Variants in CA1 observed in about 807,000 individuals in gnomAD.
CA1 encodes carbonate dehydratase I.
A neutral mutation model predicts 28.8 loss-of-function variants in CA1; 27 were observed. That is an observed-to-expected ratio of 0.94 (90% confidence interval 0.69 to 1.29). CA1 has a LOEUF of 1.29. Among genes scored for constraint, CA1 ranks in the 50% most tolerant of loss-of-function variants. CA1 has a pLI of 0.00. For synonymous variants in CA1, 121 were observed against 108.8 expected (o/e 1.11, Z -0.70); for missense variants, 335 against 310.5 (o/e 1.08, Z -0.59).
Position 85,338,289 on chromosome 8 carries a change from G to A in CA1, c.198C>T (p.Ser66=), listed in dbSNP as rs77342877. ...CGTTGTCCTCAAAATTTACATGGAA[G>A]GAATGCCCCACATTGATAATTTCTT... is the stretch of plus-strand genomic sequence containing the variant. ...TAKEIINVGH[S]FHVNFEDNDN... is the part of the protein sequence containing the mutation. The change falls in exon 3 of 8, where the codon TCC becomes TCT. Residue 66 remains serine, a synonymous_variant. Transcript: ENST00000523022. 4,883 of 1,613,984 alleles carry A rather than the reference G, an allele frequency of 3.0e-3. 106 individuals carry two copies. The African/African-American group carries it at 0.049, about 16-fold the overall frequency.
At chr8:85,333,735 T>A in intron 4 of CA1, 115 bp from the exon 5 acceptor site, 1 of 690,464 alleles carries the variant, frequency 1.4e-6, no homozygotes, top group East Asian at 2.9e-5. Context: ...ACATAAAACT[T>A]ATGTGAACCT....
chr8:85,353,156 A>G (rs145152449), intron 1 of CA1, among the ~76,000 whole-genome samples: 667 of 152,336 alleles, frequency 4.4e-3, no homozygotes, highest in Middle Eastern at 0.02. Context: ...AAGCAAGAAG[A>G]ACATGAGCCA....
chr8:85,365,334 G>A (rs67723787), intron 1 of CA1, among the ~76,000 whole-genome samples: 6,675 of 152,256 alleles, frequency 0.044, 185 homozygotes, highest in African/African-American at 0.068. Flanking sequence ...AGGTAGCTCC[G>A]TCTCTACCAT....
intron 2 of CA1, among the ~76,000 whole-genome samples, chr8:85,339,548 G>T (rs557749598): frequency 6.6e-6 from 1 of 152,258 alleles, no homozygotes; most frequent in Non-Finnish European, 1.5e-5. Flanking sequence ...ACAATGACCT[G>T]TAAGTACTCC....
chr8:85,352,290 T>C (rs1290229590), intron 1 of CA1, among the ~76,000 whole-genome samples: 1 of 152,158 alleles, frequency 6.6e-6, no homozygotes, highest in Non-Finnish European at 1.5e-5. Flanking sequence ...TTGGCCCCGC[T>C]ACATGTTACA....
chr8:85,329,108 G>A (rs955444219), intron 7 of CA1, among the ~76,000 whole-genome samples: 3 of 152,072 alleles, frequency 2.0e-5, no homozygotes, highest in African/African-American at 7.2e-5. Context: ...TTGACACATA[G>A]CATGTGCTCA....
At chr8:85,342,397 T>C (rs2130227608) in intron 1 of CA1, among the ~76,000 whole-genome samples, 1 of 152,302 alleles carries the variant, frequency 6.6e-6, no homozygotes, top group Non-Finnish European at 1.5e-5. Flanking sequence ...CACACATACA[T>C]ACAAATGCTA....
intron 1 of CA1, among the ~76,000 whole-genome samples, chr8:85,369,367 G>A (rs372398498): frequency 2.0e-5 from 3 of 151,954 alleles, no homozygotes; most frequent in East Asian, 1.9e-4. Context: ...AGATTACCCC[G>A]GCTTGCCTAG....
intron 6 of CA1, among the ~76,000 whole-genome samples, chr8:85,330,973 A>C (rs1217916197): frequency 1.3e-5 from 2 of 152,088 alleles, no homozygotes; most frequent in Non-Finnish European, 2.9e-5. Context: ...GATTCCATTA[A>C]ATTGATGGGA....
At chr8:85,348,804 A>C (rs1809298015) in intron 1 of CA1, among the ~76,000 whole-genome samples, 1 of 152,230 alleles carries the variant, frequency 6.6e-6, no homozygotes, top group Non-Finnish European at 1.5e-5. Flanking sequence ...TTTCTAAATG[A>C]GGATTAACGA....
At chr8:85,376,670 TAAA>T (rs1167027274) in intron 1 of CA1, among the ~76,000 whole-genome samples, 1 of 132,894 alleles carries the variant, frequency 7.5e-6, no homozygotes, top group Non-Finnish European at 1.5e-5. Flanking sequence ...AATAAATAAA[TAAA>T]TAAATAAATA....
At position 85,359,919 on chromosome 8, in the gene CA1, AG is replaced by A. The variant is rs533828715; in HGVS notation, c.-25+18126del. Reference sequence around the variant, plus strand: ...TGGTATTGTGTATGATTTACCAATAAGGAGACTAAATTCCTTACCAATAAGG... The same window carrying A: ...TGGTATTGTGTATGATTTACCAATAAGAGACTAAATTCCTTACCAATAAGG... On this transcript the variant is annotated intron_variant, in intron 1 of 7. Coordinates refer to ENST00000523022, the MANE Select transcript of CA1 (RefSeq NM_001128831.4). Among the ~76,000 whole-genome samples, 624 of 152,358 alleles carry A rather than the reference AG, an allele frequency of 4.1e-3. 4 individuals are homozygous for A. Among genetic ancestry groups the A allele is most frequent in the African/African-American group, 0.014 (595 of 41,586 alleles).
chr8:85,374,646 A>G (rs988867225), intron 1 of CA1, among the ~76,000 whole-genome samples: 31 of 152,152 alleles, frequency 2.0e-4, no homozygotes, highest in Non-Finnish European at 8.8e-5. Context: ...TACACACTGG[A>G]TGATTGAAAT....
At chr8:85,344,276 T>TTGAATTTATAC (rs1564029694) in intron 1 of CA1, among the ~76,000 whole-genome samples, 11 of 65,368 alleles carry the variant, frequency 1.7e-4, no homozygotes, top group South Asian at 4.5e-4. Context: ...AATATATAAT[T>TTGAATTTATAC]ATATATTATA....
intron 4 of CA1, among the ~76,000 whole-genome samples, chr8:85,335,037 A>G (rs1416919751): frequency 2.0e-5 from 3 of 151,994 alleles, no homozygotes; most frequent in Non-Finnish European, 4.4e-5. Flanking sequence ...AGTATCTGGC[A>G]TATTGTAGGT....
rs1405662711 is a variant in CA1 at position 85,338,388 on chromosome 8, A to G, written c.99T>C (p.Asp33=). 9.3e-6 allele frequency: 15 copies of G among 1,614,008 alleles called. No individual in the cohort carries two copies. The highest frequency in any genetic ancestry group is 1.2e-5 in the Non-Finnish European group (14 of 1,179,916). The change falls in exon 3 of 8, where the codon GAT becomes GAC. Residue 33 remains aspartate, a synonymous_variant. Transcript: ENST00000523022. Reference sequence around the variant, plus strand: ...CATGTTTGGTTTCACTGGTTTTAATATCAACAGGGGACTGGTTATTTCCAT... The same window carrying G: ...CATGTTTGGTTTCACTGGTTTTAATGTCAACAGGGGACTGGTTATTTCCAT... ...IANGNNQSPV[D]IKTSETKHDT...
intron 4 of CA1, 30 bp downstream of exon 4, chr8:85,336,915 A>C: frequency 2.4e-6 from 3 of 1,276,584 alleles, no homozygotes; most frequent in Non-Finnish European, 3.4e-6. Context: ...CTCTCAGGGT[A>C]ATTATCTCTC....
At chr8:85,359,970 G>A (rs1363599445) in intron 1 of CA1, among the ~76,000 whole-genome samples, 1 of 152,176 alleles carries the variant, frequency 6.6e-6, no homozygotes, top group East Asian at 1.9e-4. Context: ...GAAAACATGT[G>A]CTTATGTTCT....
chr8:85,364,784 C>T (rs549572444), intron 1 of CA1, among the ~76,000 whole-genome samples: 2 of 152,160 alleles, frequency 1.3e-5, no homozygotes, highest in African/African-American at 4.8e-5. Flanking sequence ...AAATGTGAAA[C>T]CTAACTGGAG....
Sources: gnomAD v4.1 joint callset for allele counts (sites outside exome capture counted in the v4.1 genomes callset) on GRCh38, gnomAD v4.1.1 for gene constraint, MANE v1.5 for transcripts, NCBI Gene and HGNC (gene_info 2026-07-23, HGNC 2026-07-21) for gene names.